Variants in MIPOL1 observed in about 807,000 individuals in gnomAD.
The protein encoded by MIPOL1 is mirror-image polydactyly 1.
In MIPOL1, 57 loss-of-function variants were observed where a neutral mutation model predicts 60.9. The observed-to-expected ratio is 0.94, with a 90% confidence interval of 0.76 to 1.17. MIPOL1 has a LOEUF of 1.17. Ranked by LOEUF, MIPOL1 falls within the 50% of genes most tolerant of loss-of-function variation. The pLI is 0.00. For synonymous variants in MIPOL1, 179 were observed against 168.8 expected (o/e 1.06, Z -0.47); for missense variants, 551 against 511.6 (o/e 1.08, Z -0.74).
intron 1 of MIPOL1, among the ~76,000 whole-genome samples, chr14:37,215,396 T>C (rs934336551): frequency 6.6e-6 from 1 of 152,052 alleles, no homozygotes; most frequent in African/African-American, 2.4e-5. Flanking sequence ...TACAATCTTT[T>C]GTCTCCGCAC....
rs866252265 is a variant in MIPOL1, at chr14:37,421,990, A to G, written c.937-865A>G. Among the ~76,000 whole-genome samples, 16 of 152,198 alleles carry G rather than the reference A, an allele frequency of 1.1e-4. 1 individual carries two copies. In the South Asian group the frequency reaches 2.7e-3, roughly 26 times the overall value. ...TGCTCTGTGTTACCTTTCAAACACC[A>G]TTTAAAGCAAAGTGAAAGATAACCA... On this transcript the variant is annotated intron_variant, in intron 10 of 12. Coordinates refer to ENST00000684589, the MANE Select transcript of MIPOL1 (RefSeq NM_001388067.1).
intron 10 of MIPOL1, among the ~76,000 whole-genome samples, chr14:37,388,132 C>T (rs1049732784): frequency 9.9e-5 from 15 of 151,616 alleles, no homozygotes; most frequent in Admixed American, 8.6e-4. Flanking sequence ...TAAGAAACAT[C>T]GTCAGACTCT....
intron 10 of MIPOL1, among the ~76,000 whole-genome samples, chr14:37,394,607 ATTGT>A (rs1470741600): frequency 6.7e-6 from 1 of 150,288 alleles, no homozygotes; most frequent in Non-Finnish European, 1.5e-5. Flanking sequence ...TTTTGATGGG[ATTGT>A]TTGTTTTTTT....
At chr14:37,551,539 T>C (rs1024367082), downstream of MIPOL1, 1 of 152,030 alleles carries the variant, frequency 6.6e-6, no homozygotes, top group African/African-American at 2.4e-5. Context: ...TTAGTGAATA[T>C]GGTTAGAAAG....
intron 11 of MIPOL1, among the ~76,000 whole-genome samples, chr14:37,433,986 T>G (rs533142227): frequency 6.6e-6 from 1 of 152,320 alleles, no homozygotes; most frequent in African/African-American, 2.4e-5. Flanking sequence ...AGTGCCGCAA[T>G]AAACATACGT....
chr14:37,249,600 A>G (rs2153359850), intron 3 of MIPOL1, among the ~76,000 whole-genome samples: 1 of 152,306 alleles, frequency 6.6e-6, no homozygotes, highest in East Asian at 1.9e-4. Context: ...CATATATAAT[A>G]TCTGGGTAAG....
intron 5 of MIPOL1, among the ~76,000 whole-genome samples, chr14:37,269,848 A>T (rs754432796): frequency 6.6e-6 from 1 of 151,898 alleles, no homozygotes; most frequent in African/African-American, 2.4e-5. Context: ...TTTTTTTGAG[A>T]TGGAGTTTCA....
intron 1 of MIPOL1, among the ~76,000 whole-genome samples, chr14:37,199,003 T>G (rs1964788648): frequency 6.6e-6 from 1 of 152,162 alleles, no homozygotes; most frequent in South Asian, 2.1e-4. Context: ...ATGTGAGGAA[T>G]AGGAATCAAG....
chr14:37,373,175 G>C (rs1471265157), intron 10 of MIPOL1, among the ~76,000 whole-genome samples: 1 of 151,988 alleles, frequency 6.6e-6, no homozygotes, highest in Non-Finnish European at 1.5e-5. Context: ...GCTAATTTTT[G>C]TATTTTTAGT....
chr14:37,336,785 G>A (rs2090153077), intron 9 of MIPOL1, among the ~76,000 whole-genome samples: 3 of 151,706 alleles, frequency 2.0e-5, no homozygotes, highest in Non-Finnish European at 4.4e-5. Flanking sequence ...TTTTGAGACA[G>A]AGTTTCACTC....
intron 7 of MIPOL1, among the ~76,000 whole-genome samples, chr14:37,287,817 C>T (rs2084703967): frequency 6.6e-6 from 1 of 151,898 alleles, no homozygotes; most frequent in African/African-American, 2.4e-5. Context: ...TGAATAGAGC[C>T]AGGGTTTCAC....
At chr14:37,414,812 G>T (rs942941676) in intron 10 of MIPOL1, among the ~76,000 whole-genome samples, 7 of 152,080 alleles carry the variant, frequency 4.6e-5, no homozygotes, top group African/African-American at 1.2e-4. Context: ...CAAGTACTAG[G>T]AAACAAGCAC....
At chr14:37,221,472 T>C (rs1330398084) in intron 1 of MIPOL1, among the ~76,000 whole-genome samples, 6 of 152,134 alleles carry the variant, frequency 3.9e-5, no homozygotes, top group Admixed American at 3.9e-4. Context: ...AAGAGGTACC[T>C]GAGACTGGAT....
At chr14:37,462,024 T>G (rs2094545361) in intron 11 of MIPOL1, among the ~76,000 whole-genome samples, 1 of 152,156 alleles carries the variant, frequency 6.6e-6, no homozygotes, top group Non-Finnish European at 1.5e-5. Flanking sequence ...AGAGACTCTG[T>G]GTAGGGGCTC....
At chr14:37,229,253 A>G (rs1045357242) in intron 1 of MIPOL1, among the ~76,000 whole-genome samples, 3 of 152,118 alleles carry the variant, frequency 2.0e-5, no homozygotes, top group South Asian at 2.1e-4. Flanking sequence ...TCCCTGGCTC[A>G]AGTGATCTCT....
chr14:37,474,763 A>T (rs1321592575), intron 11 of MIPOL1, among the ~76,000 whole-genome samples: 4 of 152,282 alleles, frequency 2.6e-5, no homozygotes, highest in African/African-American at 9.6e-5. Context: ...AATGAATGAG[A>T]TGGATGAGGA....
At chr14:37,520,960 G>A (rs1380648619) in intron 12 of MIPOL1, among the ~76,000 whole-genome samples, 19 of 136,842 alleles carry the variant, frequency 1.4e-4, no homozygotes, top group Non-Finnish European at 1.9e-4. Context: ...TTTTTAAGGC[G>A]GAGTGTTGCT....
chr14:37,257,862 G>C (rs1975220972), intron 3 of MIPOL1, among the ~76,000 whole-genome samples: 1 of 152,126 alleles, frequency 6.6e-6, no homozygotes, highest in Non-Finnish European at 1.5e-5. Flanking sequence ...TGTTGAGTCT[G>C]CTGACGAATA....
chr14:37,476,646 A>G (rs977148571), intron 11 of MIPOL1, among the ~76,000 whole-genome samples: 1 of 152,108 alleles, frequency 6.6e-6, no homozygotes, highest in Admixed American at 6.5e-5. Flanking sequence ...ATGAATGAGC[A>G]TTGGATTTTG....
Sources: allele counts gnomAD v4.1 joint callset (sites outside exome capture counted in the v4.1 genomes callset), GRCh38; gene constraint gnomAD v4.1.1; transcripts MANE v1.5; gene names NCBI Gene and HGNC (gene_info 2026-07-23, HGNC 2026-07-21).